Variants in PACSIN2 observed in about 807,000 individuals in gnomAD.
PACSIN2 encodes protein kinase C and casein kinase substrate in neurons protein 2.
In PACSIN2, 25 loss-of-function variants were observed where a neutral mutation model predicts 63.8. The ratio of observed to expected loss-of-function variants is 0.39; its 90% CI spans 0.29 to 0.55. The LOEUF (loss-of-function observed/expected upper bound fraction) is 0.55, where lower values mean the gene tolerates loss of function less well. PACSIN2 is among the 20% of genes least tolerant of loss of function. The pLI is 0.62. For synonymous variants in PACSIN2, 255 were observed against 256.2 expected, an observed-to-expected ratio of 1.00 and a Z score of 0.05; for missense variants, 518 against 646.9, an observed-to-expected ratio of 0.80 and a Z score of 2.16.
intron 1 of PACSIN2, among the ~76,000 whole-genome samples, chr22:42,918,625 G>A (rs1323348954): frequency 6.6e-6 from 1 of 152,142 alleles, no homozygotes; most frequent in Non-Finnish European, 1.5e-5. Flanking sequence ...CAGACTCCAC[G>A]CTGCCCAACT....
chr22:42,990,026 GTATATA>G (rs1261440429), intron 1 of PACSIN2, among the ~76,000 whole-genome samples: 11 of 23,414 alleles, frequency 4.7e-4, no homozygotes, highest in Admixed American at 1.5e-3. Context: ...ACACACATAT[GTATATA>G]TATGTATATA....
intron 10 of PACSIN2, among the ~76,000 whole-genome samples, chr22:42,872,591 G>A (rs1928248399): frequency 6.6e-6 from 1 of 152,200 alleles, no homozygotes; most frequent in African/African-American, 2.4e-5. Context: ...TAATACCTGG[G>A]GCTTCCAGTG....
At chr22:42,887,812 T>C (rs983172593) in intron 5 of PACSIN2, among the ~76,000 whole-genome samples, 9 of 152,174 alleles carry the variant, frequency 5.9e-5, no homozygotes, top group Non-Finnish European at 1.3e-4. Context: ...TGATTTCTCA[T>C]TAACCCATGG....
At chr22:42,987,492 A>ACACC (rs1555945405) in intron 1 of PACSIN2, among the ~76,000 whole-genome samples, 4 of 99,816 alleles carry the variant, frequency 4.0e-5, no homozygotes, top group African/African-American at 1.4e-4. Flanking sequence ...ACACACACAC[A>ACACC]CCCATGGCAC....
rs369532636 is a variant in PACSIN2 at position 42,987,608 on chromosome 22, T to C, written c.-78+27413A>G. Among the ~76,000 whole-genome samples, 515 of 140,070 alleles carry C rather than the reference T, an allele frequency of 3.7e-3. 3 individuals carry two copies. Among genetic ancestry groups the C allele is most frequent in the African/African-American group, 0.014 (497 of 36,528 alleles). 91.9% of individuals were successfully genotyped at this position (140,070 alleles called of 152,430 possible). ...GTGCAGTGGTGCAATCTCGGCTCAC[T>C]GCAACCTCCGCCTCCCGGGTTCAAG... is the stretch of plus-strand genomic sequence containing the variant. On this transcript the variant is annotated intron_variant, in intron 1 of 10. Coordinates refer to ENST00000263246, the MANE Select transcript of PACSIN2 (RefSeq NM_001184970.3).
intron 1 of PACSIN2, among the ~76,000 whole-genome samples, chr22:42,997,845 C>T (rs1355900061): frequency 2.0e-5 from 3 of 152,170 alleles, no homozygotes; most frequent in Admixed American, 2.0e-4. Context: ...CACACCACTG[C>T]ACCCCAGCCT....
intron 1 of PACSIN2, among the ~76,000 whole-genome samples, chr22:43,003,123 G>A (rs1923869113): frequency 1.3e-5 from 2 of 152,112 alleles, no homozygotes; most frequent in Non-Finnish European, 2.9e-5. Flanking sequence ...TCTGAAGCTT[G>A]GTACAAAGTT....
intron 1 of PACSIN2, among the ~76,000 whole-genome samples, chr22:42,935,082 ATT>A (rs780923075): frequency 2.6e-4 from 37 of 139,832 alleles, no homozygotes; most frequent in African/African-American, 3.0e-4. Context: ...CGCCCGGCTA[ATT>A]TTTTTTTTTT....
At chr22:42,988,910 G>C (rs1922816228) in intron 1 of PACSIN2, among the ~76,000 whole-genome samples, 1 of 151,718 alleles carries the variant, frequency 6.6e-6, no homozygotes. Context: ...TTTTGGGAGT[G>C]AGTCTGTCAT....
chr22:43,002,598 C>CA (rs1775041440), intron 1 of PACSIN2, among the ~76,000 whole-genome samples: 2 of 151,740 alleles, frequency 1.3e-5, no homozygotes, highest in Admixed American at 1.3e-4. Context: ...TTTTTTCACC[C>CA]AAAAAATCAG....
intron 1 of PACSIN2, among the ~76,000 whole-genome samples, chr22:42,962,711 CTGGGGTGGG>C (rs554759407): frequency 7.1e-4 from 80 of 113,380 alleles, no homozygotes; most frequent in African/African-American, 2.4e-3. Context: ...GCCTGGATGC[CTGGGGTGGG>C]TGGAGGCATT....
chr22:42,887,907 A>G (rs1448641325), intron 5 of PACSIN2, among the ~76,000 whole-genome samples: 2 of 152,122 alleles, frequency 1.3e-5, no homozygotes, highest in East Asian at 3.9e-4. Flanking sequence ...TTGGCCAAAG[A>G]CCACCCTTCT....
chr22:42,949,461 C>T (rs563226388), intron 1 of PACSIN2, among the ~76,000 whole-genome samples: 31 of 150,480 alleles, frequency 2.1e-4, no homozygotes, highest in African/African-American at 6.5e-4. Context: ...CACACACGCG[C>T]GCGCACGCAC....
At chr22:42,961,709 G>A (rs1934142829) in intron 1 of PACSIN2, among the ~76,000 whole-genome samples, 1 of 152,078 alleles carries the variant, frequency 6.6e-6, no homozygotes, top group Non-Finnish European at 1.5e-5. Context: ...GGGAGCAGAG[G>A]TTGCAGTGAG....
At chr22:42,934,505 C>G (rs185162424) in intron 1 of PACSIN2, among the ~76,000 whole-genome samples, 52 of 152,390 alleles carry the variant, frequency 3.4e-4, no homozygotes, top group African/African-American at 1.2e-3. Context: ...CCTCCCCACT[C>G]TGGCTTCCCA....
chr22:42,928,577 T>C (rs775176530), intron 1 of PACSIN2, among the ~76,000 whole-genome samples: 1 of 152,224 alleles, frequency 6.6e-6, no homozygotes, highest in Non-Finnish European at 1.5e-5. Flanking sequence ...CTGGGCCTGA[T>C]GGACTGATGC....
intron 1 of PACSIN2, among the ~76,000 whole-genome samples, chr22:42,919,080 A>G (rs1290132420): frequency 3.9e-5 from 6 of 152,174 alleles, no homozygotes; most frequent in Non-Finnish European, 5.9e-5. Context: ...AATGCCAAAC[A>G]GTGCTGGAGC....
chr22:43,003,011 T>A (rs1923861754), intron 1 of PACSIN2, among the ~76,000 whole-genome samples: 3 of 152,240 alleles, frequency 2.0e-5, no homozygotes, highest in South Asian at 2.1e-4. Context: ...GGCCTTGAAC[T>A]AGGCACCTGA....
chr22:42,891,223 C>T, intron 3 of PACSIN2, 41 bp from the exon 4 acceptor site: 1 of 1,405,366 alleles, frequency 7.1e-7, no homozygotes, highest in Non-Finnish European at 1.0e-6. Context: ...CAGCGCCGGC[C>T]ATGGTGGGGT....
Sources: gnomAD v4.1 joint callset for allele counts (sites outside exome capture counted in the v4.1 genomes callset) on GRCh38, gnomAD v4.1.1 for gene constraint, MANE v1.5 for transcripts, NCBI Gene and HGNC (gene_info 2026-07-23, HGNC 2026-07-21) for gene names.